The following CERS6 variants were observed in gnomAD, a reference collection of about 807,000 sequenced individuals.
CERS6 encodes the protein ceramide synthase 6, also known as LAG1 homolog, ceramide synthase 6.
In CERS6, 26 loss-of-function variants were observed where a neutral mutation model predicts 56.8. That is an observed-to-expected ratio of 0.46 (90% CI 0.34 to 0.63). The LOEUF (loss-of-function observed/expected upper bound fraction) is 0.63. Among genes scored for constraint, CERS6 ranks in the 30% least tolerant of loss-of-function variants. The pLI is 0.01. For missense variants in CERS6, 415 were observed against 467.5 expected, an observed-to-expected ratio of 0.89 and a Z score of 1.04; for synonymous variants, 164 against 173.3, an observed-to-expected ratio of 0.95 and a Z score of 0.42.
At chr2:168,458,173 G>T (rs1481047862) in intron 1 of CERS6, among the ~76,000 whole-genome samples, 1 of 137,858 alleles carries the variant, frequency 7.3e-6, no homozygotes, top group African/African-American at 2.7e-5. Flanking sequence ...CTCTATGTTG[G>T]CACATAGTAG....
chr2:168,594,267 C>G (rs1192179062), intron 3 of CERS6, among the ~76,000 whole-genome samples: 3 of 152,116 alleles, frequency 2.0e-5, no homozygotes, highest in Non-Finnish European at 4.4e-5. Context: ...TGTCGAGTGA[C>G]TCATTCATCA....
At chr2:168,560,144 G>A (rs929236554) in intron 2 of CERS6, among the ~76,000 whole-genome samples, 9 of 152,148 alleles carry the variant, frequency 5.9e-5, no homozygotes, top group Admixed American at 2.6e-4. Context: ...CCATATGGTG[G>A]CAGACAAAAG....
intron 4 of CERS6, among the ~76,000 whole-genome samples, chr2:168,642,822 A>C (rs1685080315): frequency 6.6e-6 from 1 of 152,244 alleles, no homozygotes; most frequent in African/African-American, 2.4e-5. Context: ...GAGGACACTT[A>C]GTGAAAACAG....
intron 8 of CERS6, among the ~76,000 whole-genome samples, chr2:168,763,915 T>C (rs2105463571): frequency 6.6e-6 from 1 of 152,256 alleles, no homozygotes; most frequent in South Asian, 2.1e-4. Flanking sequence ...GGCAGCAGTA[T>C]GAGTCCAGAT....
At chr2:168,598,861 A>G (rs1683866855) in intron 3 of CERS6, among the ~76,000 whole-genome samples, 1 of 152,200 alleles carries the variant, frequency 6.6e-6, no homozygotes, top group Non-Finnish European at 1.5e-5. Flanking sequence ...GTAGGTATAG[A>G]AGAATCTTAC....
Position 168,770,755 on chromosome 2 carries a change from G to A in CERS6, c.*1093G>A, listed in dbSNP as rs1401178648. 1 of 152,522 alleles carries A rather than the reference G, an allele frequency of 6.6e-6. No individual in the cohort carries two copies. Among genetic ancestry groups the A allele is most frequent in the Non-Finnish European group, 1.5e-5 (1 of 68,024 alleles). 9.4% of individuals were successfully genotyped at this position (152,522 alleles called of 1,614,324 possible). ...TTTGCTGAGCAAAATAAAGCCAATG[G>A]GAGAAAGACTATTTTACCCTTTGCT... On this transcript the variant is annotated 3_prime_UTR_variant, in exon 10 of 10. Coordinates refer to ENST00000305747, the MANE Select transcript of CERS6 (RefSeq NM_203463.3).
intron 4 of CERS6, among the ~76,000 whole-genome samples, chr2:168,679,815 A>G (rs1483670431): frequency 6.6e-6 from 1 of 152,216 alleles, no homozygotes; most frequent in Non-Finnish European, 1.5e-5. Context: ...GAAAAGGGCC[A>G]ATAAATATTA....
At chr2:168,751,600 A>G (rs1267989276) in intron 8 of CERS6, among the ~76,000 whole-genome samples, 1 of 152,140 alleles carries the variant, frequency 6.6e-6, no homozygotes, top group Non-Finnish European at 1.5e-5. Context: ...AGATAACTGC[A>G]GTGGCCTCTA....
chr2:168,650,878 T>A (rs1685326166), intron 4 of CERS6, among the ~76,000 whole-genome samples: 1 of 152,222 alleles, frequency 6.6e-6, no homozygotes, highest in South Asian at 2.1e-4. Context: ...TTATATCCCA[T>A]TTTTATCAGC....
At position 168,456,380 on chromosome 2, in the gene CERS6, C is replaced by T. The variant is rs549359037; in HGVS notation, c.-69C>T. 7.3e-5 allele frequency: 97 copies of T among 1,320,816 alleles called. No homozygotes were observed. In the African/African-American group the frequency reaches 1.3e-3, roughly 18 times the overall value. 81.8% of individuals were successfully genotyped at this position (1,320,816 alleles called of 1,614,324 possible). ...CTCGGGGCCAGCCGGGCGCGCATCC[C>T]CGGGCGCCCTGCGCGGTGGAGAGCT... On this transcript the variant is annotated 5_prime_UTR_variant, in exon 1 of 10. Transcript: ENST00000305747. This position sits in a 1 kb window ranked among gnomAD's most constrained non-coding sequence, Gnocchi z 4.1.
At chr2:168,670,362 T>TC (rs1318468089) in intron 4 of CERS6, among the ~76,000 whole-genome samples, 1 of 152,006 alleles carries the variant, frequency 6.6e-6, no homozygotes, top group Non-Finnish European at 1.5e-5. Context: ...CACATCCCCT[T>TC]CCCCCACCAC....
chr2:168,769,517 A>G lies in CERS6; in HGVS notation c.1010A>G (p.Lys337Arg). 1 of 1,599,160 alleles carries G rather than the reference A, an allele frequency of 6.3e-7. No individual in the cohort carries two copies. Among genetic ancestry groups the G allele is most frequent in the Non-Finnish European group, 8.5e-7 (1 of 1,175,400 alleles). The change falls in exon 10 of 10, where the codon AAG (lysine) becomes AGG (arginine). Residue 337 changes from lysine to arginine, a missense_variant. Coordinates refer to ENST00000305747, the MANE Select transcript of CERS6 (RefSeq NM_203463.3). ...CKAVSRGKVS[K>R]DDRSDIESSS... ...CCTGCTTCTACTCCACAGGTGTCCA[A>G]GGATGATCGAAGTGATATTGAGTCT...
At chr2:168,583,914 CT>C (rs977760224) in intron 3 of CERS6, among the ~76,000 whole-genome samples, 2 of 152,174 alleles carry the variant, frequency 1.3e-5, no homozygotes, top group African/African-American at 4.8e-5. Flanking sequence ...ATGACCTGGC[CT>C]TTTGCCATCA....
chr2:168,464,174 T>TTTTGTGTGTGTGTGTG (rs766821494), intron 1 of CERS6, among the ~76,000 whole-genome samples: 4 of 139,792 alleles, frequency 2.9e-5, no homozygotes, highest in African/African-American at 1.1e-4. Flanking sequence ...TTTATACTTT[T>TTTTGTGTGTGTGTGTG]TGTGTGTGTG....
At chr2:168,746,535 G>A (rs573833517) in intron 8 of CERS6, among the ~76,000 whole-genome samples, 1 of 151,548 alleles carries the variant, frequency 6.6e-6, no homozygotes, top group South Asian at 2.1e-4. Flanking sequence ...ACTGATGTCT[G>A]GTATTTTTCT....
chr2:168,565,340 T>C (rs1695865839), intron 3 of CERS6, among the ~76,000 whole-genome samples: 1 of 152,188 alleles, frequency 6.6e-6, no homozygotes, highest in Non-Finnish European at 1.5e-5. Context: ...GGATGATGAC[T>C]CAGGTGGAGT....
At chr2:168,497,966 A>G (rs1286578837) in intron 1 of CERS6, among the ~76,000 whole-genome samples, 2 of 152,180 alleles carry the variant, frequency 1.3e-5, no homozygotes, top group Non-Finnish European at 2.9e-5. Flanking sequence ...AATGGAAAAC[A>G]GCCATTGATC....
intron 3 of CERS6, among the ~76,000 whole-genome samples, chr2:168,627,443 T>C (rs1044531326): frequency 6.6e-6 from 1 of 152,232 alleles, no homozygotes; most frequent in Non-Finnish European, 1.5e-5. Context: ...ACTTTTCATA[T>C]ATTCCTCTGC....
chr2:168,728,200 G>A lies in CERS6; in HGVS notation c.845+10222G>A, dbSNP rs116699253. ...TTGTGACAGGGTTATGGCCCAGAAA[G>A]CCTAAAGTATTTGCTCTCTGGTCTC... On this transcript the variant is annotated intron_variant, in intron 8 of 9. Transcript: ENST00000305747. 2.8e-3 allele frequency among the ~76,000 whole-genome samples: 429 copies of A among 152,192 alleles called. 3 individuals are homozygous for A. Among genetic ancestry groups the A allele is most frequent in the African/African-American group, 8.8e-3 (364 of 41,504 alleles).
Sources: gnomAD v4.1 joint callset for allele counts (sites outside exome capture counted in the v4.1 genomes callset) on GRCh38, gnomAD v4.1.1 for gene constraint, Gnocchi (gnomAD v3.1) non-coding constraint, MANE v1.5 for transcripts, NCBI Gene and HGNC (gene_info 2026-07-23, HGNC 2026-07-21) for gene names.